The following TFAP2E variants were observed in gnomAD, a reference collection of about 807,000 sequenced individuals.
The protein encoded by TFAP2E is transcription factor AP-2-epsilon.
A neutral mutation model predicts 37.9 loss-of-function variants in TFAP2E; 30 were observed. The ratio of observed to expected loss-of-function variants is 0.79; its 90% CI spans 0.59 to 1.07. TFAP2E has a LOEUF of 1.07. Ranked by LOEUF, TFAP2E falls within the 50% of genes least tolerant of loss-of-function variation. The pLI is 0.00. For synonymous variants in TFAP2E, 318 were observed against 295.8 expected, an observed-to-expected ratio of 1.08 and a Z score of -0.77; for missense variants, 567 against 637.9, an observed-to-expected ratio of 0.89 and a Z score of 1.20.
In TFAP2E at chr1:35,574,093, C is replaced by A; in HGVS notation, c.194C>A (p.Pro65His). The A allele has an allele frequency of 6.8e-7, 1 of 1,473,768 alleles. No homozygotes were observed. Among genetic ancestry groups the A allele is most frequent in the East Asian group, 3.0e-5 (1 of 33,408 alleles). The allele number at this position is 1,473,768 out of a possible 1,614,324, so 91.3% of individuals were successfully genotyped here. ...FPPPYPQPPL[P>H]YGQAPDAAAA... ...CCGCCCTACCCGCAGCCACCGCTGC[C>A]CTACGGTCAGGCGCCCGACGCCGCC... is the stretch of plus-strand genomic sequence containing the variant. The change falls in exon 2 of 7, where the codon CCC (proline) becomes CAC (histidine). Residue 65 changes from proline to histidine, a missense_variant. Coordinates refer to ENST00000373235, the MANE Select transcript of TFAP2E (RefSeq NM_178548.4).
rs774376329 is a variant in TFAP2E at position 35,594,629 on chromosome 1, C to CA, written c.1283dup (p.His428GlnfsTer3). 69 of 1,614,094 alleles carry CA rather than the reference C, an allele frequency of 4.3e-5. No individual in the cohort carries two copies. Among genetic ancestry groups the CA allele is most frequent in the Non-Finnish European group, 5.3e-5 (63 of 1,180,062 alleles). On this transcript the variant is annotated frameshift_variant, in exon 7 of 7. Transcript: ENST00000373235. LOFTEE classifies it high-confidence loss of function. Reference sequence around the variant, plus strand: ...GTTTCTAAGCAGTGTGGGCAGTGGGCATGGTGAAACCAAGGCTTCGGAGAA... The same window carrying CA: ...GTTTCTAAGCAGTGTGGGCAGTGGGCAATGGTGAAACCAAGGCTTCGGAGAA...
Position 35,573,572 on chromosome 1 carries a change from C to A in TFAP2E, c.-6C>A. The A allele has an allele frequency of 6.5e-7, 1 of 1,528,478 alleles. No homozygotes were observed. Among genetic ancestry groups the A allele is most frequent in the African/African-American group, 1.4e-5 (1 of 70,066 alleles). 94.7% of individuals were successfully genotyped at this position (1,528,478 alleles called of 1,614,324 possible). A position where few individuals can be genotyped will look rare whatever the true frequency, so the allele number is the denominator to read the frequency against. ...GCCACGCCTCGCGCCCGGCACTCAC[C>A]GCCCCATGCTGGTGCACACCTACTC... On this transcript the variant is annotated 5_prime_UTR_variant, in exon 1 of 7. Coordinates refer to ENST00000373235, the MANE Select transcript of TFAP2E (RefSeq NM_178548.4). This position sits in a 1 kb window ranked among gnomAD's most constrained non-coding sequence, Gnocchi z 5.9.
In TFAP2E at chr1:35,594,426, C is replaced by T. The variant is rs764430195; in HGVS notation, c.1079C>T (p.Ala360Val). The stretch of plus-strand genomic sequence containing the variant: ...TGCAAGGAGTTTGCAGACTTGATGG[C>T]TCAGGACCGCTCACCGCTGGGCAAC... Reference protein sequence around the residue: ...QICKEFADLMAQDRSPLGNSR... With the variant: ...QICKEFADLMVQDRSPLGNSR... Residue 360 changes from alanine to valine, a missense_variant, in exon 7 of 7, where the codon GCT (alanine) becomes GTT (valine). Transcript: ENST00000373235. 2 of 1,614,126 alleles carry T rather than the reference C, an allele frequency of 1.2e-6. No homozygotes were observed. The highest frequency in any genetic ancestry group is 1.7e-5 in the Admixed American group (1 of 60,018).
chr1:35,580,210 TA>T (rs879468414), intron 3 of TFAP2E, among the ~76,000 whole-genome samples: 20 of 150,096 alleles, frequency 1.3e-4, no homozygotes, highest in African/African-American at 3.7e-4. Context: ...AACTCCATCT[TA>T]AAAAAAAAGA....
intron 2 of TFAP2E, 45 bp downstream of exon 2, chr1:35,574,454 G>A: frequency 7.3e-7 from 1 of 1,365,150 alleles, no homozygotes; most frequent in Non-Finnish European, 9.4e-7. Flanking sequence ...GGCCGCGGTG[G>A]TTTACTACCA....
At position 35,574,212 on chromosome 1, in the gene TFAP2E, G is replaced by T. The variant is rs1341031084; in HGVS notation, c.313G>T (p.Ala105Ser). ...TCAGGCCGCCTGGGCCGCGCCCCGC[G>T]CAGCCGCCCGCGCCCACGAGGAGCC... ...PPQAAWAAPR[A>S]AARAHEEPPG... Residue 105 changes from alanine to serine, a missense_variant, in exon 2 of 7, where the codon GCA (alanine) becomes TCA (serine). Ala to Ser is a moderately conservative substitution (Grantham distance 99). Coordinates refer to ENST00000373235, the MANE Select transcript of TFAP2E (RefSeq NM_178548.4). 8.1e-7 allele frequency: 1 copy of T among 1,241,718 alleles called. No individual in the cohort carries two copies. The highest frequency in any genetic ancestry group is 1.0e-6 in the Non-Finnish European group (1 of 990,436). 76.9% of individuals were successfully genotyped at this position (1,241,718 alleles called of 1,614,324 possible). A position where few individuals can be genotyped will look rare whatever the true frequency, so the allele number is the denominator to read the frequency against.
chr1:35,583,386 C>G (rs1213099177), intron 3 of TFAP2E, among the ~76,000 whole-genome samples: 1 of 152,090 alleles, frequency 6.6e-6, no homozygotes, highest in Non-Finnish European at 1.5e-5. Flanking sequence ...TCAAATGATC[C>G]ACCCGCCTTG....
intron 3 of TFAP2E, among the ~76,000 whole-genome samples, chr1:35,579,141 A>G (rs1649271818): frequency 6.9e-6 from 1 of 145,598 alleles, no homozygotes; most frequent in South Asian, 2.2e-4. Context: ...ACACCATGTG[A>G]TCCCAGCACT....
intron 6 of TFAP2E, among the ~76,000 whole-genome samples, chr1:35,593,049 AAGAAAGAG>A (rs1274325016): frequency 1.5e-5 from 2 of 135,944 alleles, no homozygotes; most frequent in Non-Finnish European, 3.5e-5. Context: ...GAAAGAGAGA[AAGAAAGAG>A]AGAGAGACTG....
At chr1:35,575,311 T>C (rs765747231) in intron 3 of TFAP2E, among the ~76,000 whole-genome samples, 38 of 152,238 alleles carry the variant, frequency 2.5e-4, no homozygotes, top group Non-Finnish European at 4.0e-4. Flanking sequence ...GTTAAACCAC[T>C]TCCCTGTTTC....
At chr1:35,578,018 G>A (rs906109270) in intron 3 of TFAP2E, among the ~76,000 whole-genome samples, 4 of 152,190 alleles carry the variant, frequency 2.6e-5, no homozygotes, top group African/African-American at 7.2e-5. Context: ...AGTGAGCAGG[G>A]GCTGTATGGG....
chr1:35,594,482 G>A lies in TFAP2E; in HGVS notation c.1135G>A (p.Val379Ile), dbSNP rs1380828939. The change falls in exon 7 of 7, where the codon GTA becomes ATA. Residue 379 changes from valine (V) to isoleucine (I), a missense_variant. Physicochemically the swap from Val to Ile is conservative, Grantham distance 29 (BLOSUM62 3). Transcript: ENST00000373235. Reference sequence around the variant, plus strand: ...CCCAGCACTCATCCTGGAGCCCGGAGTACAGAGCTGCTTGACACACTTTAG... The same window carrying A: ...CCCAGCACTCATCCTGGAGCCCGGAATACAGAGCTGCTTGACACACTTTAG... The part of the protein sequence containing the change: ...SRPALILEPG[V>I]QSCLTHFSLI... 6 of 1,614,208 alleles carry A rather than the reference G, an allele frequency of 3.7e-6. No homozygotes were observed. The highest frequency in any genetic ancestry group is 1.6e-4 in the Middle Eastern group (1 of 6,062).
Position 35,577,429 on chromosome 1 carries a change from T to C in TFAP2E, c.562+2429T>C, listed in dbSNP as rs1327025440. 2.2e-6 allele frequency: 1 copy of C among 456,806 alleles called. No individual in the cohort carries two copies. The allele number at this position is 456,806 out of a possible 1,614,324, so 28.3% of individuals were successfully genotyped here. A position where few individuals can be genotyped will look rare whatever the true frequency, so the allele number is the denominator to read the frequency against. Reference sequence around the variant, plus strand: ...CCCTTCCGACGGCACGAGGAACTCCTGTCCTGCCCCACAGACCTTCGGCCT... The same window carrying C: ...CCCTTCCGACGGCACGAGGAACTCCCGTCCTGCCCCACAGACCTTCGGCCT... On this transcript the variant is annotated intron_variant, in intron 3 of 6. Transcript: ENST00000373235. The surrounding 1 kb of genome is among the most constrained non-coding windows in gnomAD (Gnocchi z 6.3).
Position 35,590,549 on chromosome 1 carries a change from C to T in TFAP2E, c.905-85C>T. 2 of 1,390,414 alleles carry T rather than the reference C, an allele frequency of 1.4e-6. No individual in the cohort carries two copies. The highest frequency in any genetic ancestry group is 9.4e-7 in the Non-Finnish European group (1 of 1,060,208). The allele number at this position is 1,390,414 out of a possible 1,614,324, so 86.1% of individuals were successfully genotyped here. A position where few individuals can be genotyped will look rare whatever the true frequency, so the allele number is the denominator to read the frequency against. On this transcript the variant is annotated intron_variant, in intron 5 of 6. Transcript: ENST00000373235. This position sits in a 1 kb window ranked among gnomAD's most constrained non-coding sequence, Gnocchi z 6.2. ...TACACAGGCAGGATGGGGCAGGATA[C>T]CCCTGACCAGGGGGTCAGAGGTTCA...
In TFAP2E at chr1:35,590,597, G is replaced by T; in HGVS notation, c.905-37G>T. ...TCAAAGCTGTGTTCCAGGCGCAGAGGTACACCCTGCAGTAGTGACAGCTCC... is the reference window on the plus strand; with the variant it reads ...TCAAAGCTGTGTTCCAGGCGCAGAGTTACACCCTGCAGTAGTGACAGCTCC... On this transcript the variant is annotated intron_variant, in intron 5 of 6. Coordinates refer to ENST00000373235, the MANE Select transcript of TFAP2E (RefSeq NM_178548.4). The surrounding 1 kb of genome is among the most constrained non-coding windows in gnomAD (Gnocchi z 6.2). The T allele has an allele frequency of 7.0e-7, 1 of 1,438,472 alleles. No homozygotes were observed. The highest frequency in any genetic ancestry group is 1.6e-5 in the South Asian group (1 of 61,916). 89.1% of individuals were successfully genotyped at this position (1,438,472 alleles called of 1,614,324 possible). A position where few individuals can be genotyped will look rare whatever the true frequency, so the allele number is the denominator to read the frequency against.
rs1271791158 is a variant in TFAP2E at position 35,588,960 on chromosome 1, G to C, written c.785+408G>C. Among the ~76,000 whole-genome samples, 1 of 152,132 alleles carries C rather than the reference G, an allele frequency of 6.6e-6. No homozygotes were observed. Among genetic ancestry groups the C allele is most frequent in the East Asian group, 1.9e-4 (1 of 5,198 alleles). The stretch of plus-strand genomic sequence containing the variant: ...TGGGGTGTGGAGCATGGTAGTCCAT[G>C]GTTCATCTTCCTAGACCTGTGTCTC... On this transcript the variant is annotated intron_variant, in intron 4 of 6. Coordinates refer to ENST00000373235, the MANE Select transcript of TFAP2E (RefSeq NM_178548.4). The surrounding 1 kb of genome is among the most constrained non-coding windows in gnomAD (Gnocchi z 5.1).
In TFAP2E at chr1:35,574,022, G is replaced by C. The variant is rs1275846638; in HGVS notation, c.123G>C (p.Thr41=). 1 of 1,485,764 alleles carries C rather than the reference G, an allele frequency of 6.7e-7. No homozygotes were observed. The highest frequency in any genetic ancestry group is 2.2e-5 in the Admixed American group (1 of 45,676). 92.0% of individuals were successfully genotyped at this position (1,485,764 alleles called of 1,614,324 possible). The change falls in exon 2 of 7, where the codon ACG becomes ACC. Residue 41 remains threonine, a synonymous_variant. Coordinates refer to ENST00000373235, the MANE Select transcript of TFAP2E (RefSeq NM_178548.4). ...AYGPAPPLCH[T]PAATAAAEFQ... Reference sequence around the variant, plus strand: ...GGCCGGCGCCCCCGCTCTGCCACACGCCGGCCGCCACAGCTGCCGCCGAAT... The same window carrying C: ...GGCCGGCGCCCCCGCTCTGCCACACCCCGGCCGCCACAGCTGCCGCCGAAT...
Position 35,577,721 on chromosome 1 carries a change from G to C in TFAP2E, c.562+2721G>C, listed in dbSNP as rs747812791. On this transcript the variant is annotated intron_variant, in intron 3 of 6. Coordinates refer to ENST00000373235, the MANE Select transcript of TFAP2E (RefSeq NM_178548.4). The surrounding 1 kb of genome is among the most constrained non-coding windows in gnomAD (Gnocchi z 6.3). ...CGCGGGGCAGAGGCACCTGGAGCTC[G>C]CAGGGCCCAGACCTGGGTTGGAAAA... 1 of 295,042 alleles carries C rather than the reference G, an allele frequency of 3.4e-6. No homozygotes were observed. The highest frequency in any genetic ancestry group is 2.2e-5 in the African/African-American group (1 of 45,276). 18.3% of individuals were successfully genotyped at this position (295,042 alleles called of 1,614,324 possible).
chr1:35,591,948 A>T (rs1649700087), intron 6 of TFAP2E, among the ~76,000 whole-genome samples: 1 of 152,130 alleles, frequency 6.6e-6, no homozygotes, highest in Admixed American at 6.5e-5. Flanking sequence ...TTGGACTCCC[A>T]AAGTTCTGGA....
Sources: gnomAD v4.1 joint callset for allele counts (sites outside exome capture counted in the v4.1 genomes callset) on GRCh38, gnomAD v4.1.1 for gene constraint, Gnocchi (gnomAD v3.1) non-coding constraint, MANE v1.5 for transcripts, NCBI Gene and HGNC (gene_info 2026-07-23, HGNC 2026-07-21) for gene names.